The following SPAG16 variants were observed in gnomAD, a reference collection of about 807,000 sequenced individuals.
The protein encoded by SPAG16 is sperm associated antigen 16, also known as sperm-associated antigen 16 protein.
SPAG16 carries 86 observed loss-of-function variants against 80.4 expected under a neutral mutation model. The observed-to-expected ratio is 1.07, with a 90% CI of 0.90 to 1.28. The LOEUF is 1.28. Among genes scored for constraint, SPAG16 ranks in the 50% most tolerant of loss-of-function variants. The pLI, the probability that SPAG16 is intolerant of heterozygous loss-of-function variation, is 0.00. For synonymous variants in SPAG16, 294 were observed against 265.9 expected (o/e 1.11, Z -1.03); for missense variants, 870 against 765.3 (o/e 1.14, Z -1.61).
rs529082522 is a variant in SPAG16, at chr2:213,894,666, G to T, written c.1214+32038G>T. Among the ~76,000 whole-genome samples, 10 of 152,168 alleles carry T rather than the reference G, an allele frequency of 6.6e-5. No homozygotes were observed. In the South Asian group the frequency reaches 2.1e-3, roughly 32 times the overall value. ...GAATGGAATAAGTCAAATTAGCCTT[G>T]TTCACAGAAGACAAGATTCTATACT... On this transcript the variant is annotated intron_variant, in intron 11 of 15. Coordinates refer to ENST00000331683, the MANE Select transcript of SPAG16 (RefSeq NM_024532.5).
At chr2:213,524,162 G>T (rs372765574) in intron 10 of SPAG16, among the ~76,000 whole-genome samples, 2 of 152,212 alleles carry the variant, frequency 1.3e-5, no homozygotes, top group African/African-American at 4.8e-5. Flanking sequence ...ATGGCTACAA[G>T]AACCCAAGGT....
At chr2:213,513,872 T>TA (rs1407020443) in intron 10 of SPAG16, among the ~76,000 whole-genome samples, 1 of 152,128 alleles carries the variant, frequency 6.6e-6, no homozygotes, top group African/African-American at 2.4e-5. Context: ...CAGCAGCAAA[T>TA]GTTATATCCA....
chr2:214,190,507 A>G (rs1162323541), intron 15 of SPAG16, among the ~76,000 whole-genome samples: 1 of 152,176 alleles, frequency 6.6e-6, no homozygotes, highest in African/African-American at 2.4e-5. Flanking sequence ...TACAATTGAT[A>G]GCTCAAATTA....
rs1417095404 is a variant in SPAG16 at position 213,702,785 on chromosome 2, G to C, written c.1071-159700G>C. ...TTTTATTTTGACTGTTCTTTGAAAA[G>C]GCCTATTTCTAGAGTTGATATATAT... On this transcript the variant is annotated intron_variant, in intron 10 of 15. Transcript: ENST00000331683. 2.0e-5 allele frequency among the ~76,000 whole-genome samples: 3 copies of C among 152,038 alleles called. No homozygotes were observed. The East Asian group carries it at 5.8e-4, about 29-fold the overall frequency.
At chr2:214,224,325 C>T (rs576937976) in intron 15 of SPAG16, among the ~76,000 whole-genome samples, 4 of 151,928 alleles carry the variant, frequency 2.6e-5, no homozygotes, top group African/African-American at 9.7e-5. Flanking sequence ...TCTTAAAAAT[C>T]AGAACAAAAA....
chr2:213,986,339 T>C (rs947135217), intron 12 of SPAG16, among the ~76,000 whole-genome samples: 4 of 152,064 alleles, frequency 2.6e-5, no homozygotes, highest in African/African-American at 9.7e-5. Context: ...ATTTCAGTTT[T>C]TTTCTATGTC....
chr2:213,306,160 A>C (rs1419086491), intron 3 of SPAG16, among the ~76,000 whole-genome samples: 2 of 151,344 alleles, frequency 1.3e-5, no homozygotes, highest in Non-Finnish European at 2.9e-5. Flanking sequence ...GATCCTTTAA[A>C]ATTTCTTTGG....
chr2:213,370,746 T>C (rs751381034), intron 8 of SPAG16, among the ~76,000 whole-genome samples: 1 of 152,198 alleles, frequency 6.6e-6, no homozygotes, highest in Non-Finnish European at 1.5e-5. Flanking sequence ...TGAAATTATC[T>C]CCTGGTGTTT....
intron 15 of SPAG16, among the ~76,000 whole-genome samples, chr2:214,372,872 C>T (rs563988365): frequency 4.0e-4 from 61 of 152,272 alleles, no homozygotes; most frequent in African/African-American, 1.4e-3. Flanking sequence ...ACCCAGGCTG[C>T]TGTTTTTAAG....
chr2:213,470,605 G>A (rs1007423064), intron 9 of SPAG16, among the ~76,000 whole-genome samples: 1 of 152,278 alleles, frequency 6.6e-6, no homozygotes, highest in Admixed American at 6.5e-5. Flanking sequence ...TGGGCACTCA[G>A]CAGTGCCCAT....
rs2053472649 is a variant in SPAG16, at chr2:214,108,129, A to G, written c.1528-67A>G. On this transcript the variant is annotated intron_variant, in intron 13 of 15. Coordinates refer to ENST00000331683, the MANE Select transcript of SPAG16 (RefSeq NM_024532.5). ...AAAAATTACTTTAAAACTTAAAAGCATCTTTGAATTCCTTTTTACGTTCCA... is the reference window on the plus strand; with the variant it reads ...AAAAATTACTTTAAAACTTAAAAGCGTCTTTGAATTCCTTTTTACGTTCCA... 4.9e-6 allele frequency: 6 copies of G among 1,233,940 alleles called. No individual in the cohort carries two copies. The South Asian group carries it at 8.1e-5, about 17-fold the overall frequency. The allele number at this position is 1,233,940 out of a possible 1,614,324, so 76.4% of individuals were successfully genotyped here.
intron 10 of SPAG16, among the ~76,000 whole-genome samples, chr2:213,796,214 G>A (rs558811907): frequency 1.1e-3 from 169 of 151,966 alleles, no homozygotes; most frequent in African/African-American, 3.9e-3. Flanking sequence ...ATTCTACAAT[G>A]TAAGGATTTT....
chr2:213,939,586 T>A (rs1441789576), intron 12 of SPAG16, among the ~76,000 whole-genome samples: 1 of 152,192 alleles, frequency 6.6e-6, no homozygotes, highest in Non-Finnish European at 1.5e-5. Context: ...ATTTTTGTTT[T>A]CACTTGCATT....
At chr2:214,256,248 T>G (rs1457774407) in intron 15 of SPAG16, among the ~76,000 whole-genome samples, 2 of 151,958 alleles carry the variant, frequency 1.3e-5, no homozygotes, top group Non-Finnish European at 2.9e-5. Context: ...ATACACCTTT[T>G]TTAATGATGA....
rs147816429 is a variant in SPAG16 at position 213,548,801 on chromosome 2, G to T, written c.1070+58711G>T. On this transcript the variant is annotated intron_variant, in intron 10 of 15. Coordinates refer to ENST00000331683, the MANE Select transcript of SPAG16 (RefSeq NM_024532.5). ...CCATTTGTCATTATCTTTCGAGTTT[G>T]CTTATAGTCTATAATTCTTAAGTTT... 7.2e-5 allele frequency among the ~76,000 whole-genome samples: 11 copies of T among 151,986 alleles called. No homozygotes were observed. In the East Asian group the frequency reaches 1.9e-3, roughly 27 times the overall value.
intron 14 of SPAG16, among the ~76,000 whole-genome samples, chr2:214,124,222 G>A (rs952171424): frequency 6.7e-6 from 1 of 150,086 alleles, no homozygotes; most frequent in Non-Finnish European, 1.5e-5. Flanking sequence ...CCCCATGATT[G>A]TTTTGAGCAT....
intron 13 of SPAG16, among the ~76,000 whole-genome samples, chr2:214,028,469 ATTTG>A (rs554388698): frequency 2.9e-3 from 436 of 152,098 alleles, no homozygotes; most frequent in Non-Finnish European, 5.6e-3. Flanking sequence ...CAAATTGGGA[ATTTG>A]TTTGTCTGTT....
chr2:213,501,751 T>G (rs1049739048), intron 10 of SPAG16, among the ~76,000 whole-genome samples: 1 of 152,214 alleles, frequency 6.6e-6, no homozygotes, highest in Non-Finnish European at 1.5e-5. Context: ...GAATGTACAT[T>G]TATTTGTGAT....
rs189898834 is a variant in SPAG16, at chr2:213,827,532, C to A, written c.1071-34953C>A. Among the ~76,000 whole-genome samples, 217 of 151,766 alleles carry A rather than the reference C, an allele frequency of 1.4e-3. 3 individuals are homozygous for A. Among genetic ancestry groups the A allele is most frequent in the African/African-American group, 5.1e-3 (211 of 41,404 alleles). Reference sequence around the variant, plus strand: ...TTGATTAGTTCATTTTTCTGTTTTTCTACTTAACATATGAGTAATCTACAC... The same window carrying A: ...TTGATTAGTTCATTTTTCTGTTTTTATACTTAACATATGAGTAATCTACAC... On this transcript the variant is annotated intron_variant, in intron 10 of 15. Transcript: ENST00000331683.
Sources: allele counts gnomAD v4.1 joint callset (sites outside exome capture counted in the v4.1 genomes callset), GRCh38; gene constraint gnomAD v4.1.1; transcripts MANE v1.5; gene names NCBI Gene and HGNC (gene_info 2026-07-23, HGNC 2026-07-21).